Variants in SH3GLB2 observed in about 807,000 individuals in gnomAD.
SH3GLB2 encodes the protein SH3 domain containing GRB2 like, endophilin B2.
In SH3GLB2, 24 loss-of-function variants were observed where a neutral mutation model predicts 48.0. The ratio of observed to expected loss-of-function variants is 0.50; its 90% CI spans 0.36 to 0.70. The LOEUF is 0.70. SH3GLB2 is among the 30% of genes least tolerant of loss of function. The pLI is 0.00. For synonymous variants in SH3GLB2, 227 were observed against 207.6 expected, an observed-to-expected ratio of 1.09 and a Z score of -0.80; for missense variants, 425 against 516.0, an observed-to-expected ratio of 0.82 and a Z score of 1.71.
Position 129,014,622 on chromosome 9 carries a change from G to T in SH3GLB2, c.469-119C>A. The T allele has an allele frequency of 6.7e-7, 1 of 1,486,568 alleles. No individual in the cohort carries two copies. Among genetic ancestry groups the T allele is most frequent in the Admixed American group, 1.8e-5 (1 of 54,680 alleles). The allele number at this position is 1,486,568 out of a possible 1,614,324, so 92.1% of individuals were successfully genotyped here. A position where few individuals can be genotyped will look rare whatever the true frequency, so the allele number is the denominator to read the frequency against. ...CAAGATAGGGAAACTGAGGCCCAGAGATAGGAGGTCACTCAGTCCAAAGGA... is the reference window on the plus strand; with the variant it reads ...CAAGATAGGGAAACTGAGGCCCAGATATAGGAGGTCACTCAGTCCAAAGGA... On this transcript the variant is annotated intron_variant, in intron 4 of 10. Transcript: ENST00000372564. The surrounding 1 kb of genome is among the most constrained non-coding windows in gnomAD (Gnocchi z 4.1).
chr9:129,019,796 A>C (rs1843669075), intron 3 of SH3GLB2, among the ~76,000 whole-genome samples: 2 of 146,570 alleles, frequency 1.4e-5, no homozygotes, highest in African/African-American at 5.5e-5. Context: ...ATACACTTAA[A>C]CACATAATAT....
chr9:129,021,176 C>T lies in SH3GLB2; in HGVS notation c.249G>A (p.Lys83=), dbSNP rs1212233056. Residue 83 remains lysine (K), a synonymous_variant, in exon 3 of 11, where the codon AAG becomes AAA. Coordinates refer to ENST00000372564, the MANE Select transcript of SH3GLB2 (RefSeq NM_020145.4). ...CCCCGTTGGTGACCCTTGAGGGGACCTTCCTGTCCAGCTTCTCATACAGGA... is the reference window on the plus strand; with the variant it reads ...CCCCGTTGGTGACCCTTGAGGGGACTTTCCTGTCCAGCTTCTCATACAGGA... ...EEFLYEKLDR[K]VPSRVTNGEL... is the part of the protein sequence containing the mutation. The T allele has an allele frequency of 1.2e-6, 2 of 1,611,958 alleles. No individual in the cohort carries two copies. The highest frequency in any genetic ancestry group is 1.7e-6 in the Non-Finnish European group (2 of 1,179,654).
rs1372334103 is a variant in SH3GLB2 at position 129,014,161 on chromosome 9, T to G, written c.561+250A>C. On this transcript the variant is annotated intron_variant, in intron 5 of 10. Transcript: ENST00000372564. This position sits in a 1 kb window ranked among gnomAD's most constrained non-coding sequence, Gnocchi z 4.1. The stretch of plus-strand genomic sequence containing the variant: ...AGACTCCAGCTGCCTGGCGGGGTGG[T>G]GCACCCAGCTGGGGGCACTGCTGGT... The G allele has an allele frequency of 1.6e-6, 1 of 616,074 alleles. No homozygotes were observed. Among genetic ancestry groups the G allele is most frequent in the Non-Finnish European group, 3.0e-6 (1 of 334,922 alleles). The allele number at this position is 616,074 out of a possible 1,614,324, so 38.2% of individuals were successfully genotyped here.
chr9:129,007,186 G>C lies in SH3GLB2; in HGVS notation c.*1498C>G, dbSNP rs1842830435. The stretch of plus-strand genomic sequence containing the variant: ...CCCTGGCCAGGCGCCTGGGAGTGGG[G>C]CTGCAGCCTCGGGGGAAGGCAGGTA... On this transcript the variant is annotated 3_prime_UTR_variant, in exon 11 of 11. Coordinates refer to ENST00000372564, the MANE Select transcript of SH3GLB2 (RefSeq NM_020145.4). 6.6e-6 allele frequency: 1 copy of C among 152,412 alleles called. No individual in the cohort carries two copies. Among genetic ancestry groups the C allele is most frequent in the Non-Finnish European group, 1.5e-5 (1 of 68,226 alleles). The allele number at this position is 152,412 out of a possible 1,614,324, so 9.4% of individuals were successfully genotyped here. A position where few individuals can be genotyped will look rare whatever the true frequency, so the allele number is the denominator to read the frequency against.
intron 3 of SH3GLB2, 113 bp from the exon 4 acceptor site, chr9:129,015,017 C>T: frequency 1.4e-6 from 2 of 1,389,210 alleles, no homozygotes; most frequent in Non-Finnish European, 1.9e-6. Flanking sequence ...GTGCTCAGTG[C>T]AGAATGCTTT....
intron 3 of SH3GLB2, among the ~76,000 whole-genome samples, chr9:129,015,225 G>A (rs552467586): frequency 9.2e-5 from 14 of 152,294 alleles, no homozygotes; most frequent in South Asian, 2.1e-4. Context: ...CGCCAGGTGC[G>A]GTGGCTCACA....
rs753037623 is a variant in SH3GLB2 at position 129,021,078 on chromosome 9, G to C, written c.334+13C>G. 1 of 1,579,856 alleles carries C rather than the reference G, an allele frequency of 6.3e-7. No individual in the cohort carries two copies. Among genetic ancestry groups the C allele is most frequent in the Non-Finnish European group, 8.6e-7 (1 of 1,162,462 alleles). On this transcript the variant is annotated intron_variant, in intron 3 of 10. Coordinates refer to ENST00000372564, the MANE Select transcript of SH3GLB2 (RefSeq NM_020145.4). ...ACCATGACCCCTAGTCCCTGGCTGT[G>C]AGGCCTGCTCACCATAGGGGGTGGT... is the stretch of plus-strand genomic sequence containing the variant.
chr9:129,021,137 C>G lies in SH3GLB2; in HGVS notation c.288G>C (p.Gln96His). ...SRVTNGELLAQYMADAASELG... is the reference protein window; with the variant it reads ...SRVTNGELLAHYMADAASELG... Reference sequence around the variant, plus strand: ...GCTCACTGGCCGCGTCTGCCATGTACTGAGCCAGCAGCTCCCCGTTGGTGA... The same window carrying G: ...GCTCACTGGCCGCGTCTGCCATGTAGTGAGCCAGCAGCTCCCCGTTGGTGA... The change falls in exon 3 of 11, where the codon CAG becomes CAC. Residue 96 changes from glutamine to histidine, a missense_variant. Transcript: ENST00000372564. 6.2e-7 allele frequency: 1 copy of G among 1,612,618 alleles called. No homozygotes were observed. Among genetic ancestry groups the G allele is most frequent in the Non-Finnish European group, 8.5e-7 (1 of 1,179,786 alleles).
rs145492886 is a variant in SH3GLB2 at position 129,012,239 on chromosome 9, G to A, written c.621C>T (p.Ser207=). 32 of 1,292,732 alleles carry A rather than the reference G, an allele frequency of 2.5e-5. No individual in the cohort carries two copies. The highest frequency in any genetic ancestry group is 4.1e-4 in the Middle Eastern group (2 of 4,912). 80.1% of individuals were successfully genotyped at this position (1,292,732 alleles called of 1,614,324 possible). ...PRNYILSASA[S]ALWNDEVDKA... ...GGTGGGGGTGGGGTGCGCTTACCGCGGAGGCGCTGGCCGAGAGAATGTAAT... is the reference window on the plus strand; with the variant it reads ...GGTGGGGGTGGGGTGCGCTTACCGCAGAGGCGCTGGCCGAGAGAATGTAAT... Residue 207 remains serine (S), a synonymous_variant, in exon 6 of 11, where the codon TCC becomes TCT. Coordinates refer to ENST00000372564, the MANE Select transcript of SH3GLB2 (RefSeq NM_020145.4).
intron 5 of SH3GLB2, chr9:129,012,767 G>A (rs1843199862): frequency 1.7e-6 from 1 of 579,898 alleles, no homozygotes; most frequent in East Asian, 2.8e-5. Flanking sequence ...CAATGAAGGT[G>A]GACAGATGGA....
Position 129,008,353 on chromosome 9 carries a change from G to T in SH3GLB2, c.*331C>A. On this transcript the variant is annotated 3_prime_UTR_variant, in exon 11 of 11. Coordinates refer to ENST00000372564, the MANE Select transcript of SH3GLB2 (RefSeq NM_020145.4). The stretch of plus-strand genomic sequence containing the variant: ...GCTGAGTGCACCTGGGGCTTCCTGA[G>T]CCCATCTGCGGCGGCCCCACCCTGG... 3.3e-6 allele frequency: 1 copy of T among 304,050 alleles called. No individual in the cohort carries two copies. 18.8% of individuals were successfully genotyped at this position (304,050 alleles called of 1,614,324 possible).
intron 6 of SH3GLB2, 192 bp from the exon 7 acceptor site, chr9:129,010,885 C>G: frequency 1.6e-6 from 1 of 630,236 alleles, no homozygotes; most frequent in Non-Finnish European, 2.8e-6. Flanking sequence ...CCCAGTCCCT[C>G]TAACATGCCT....
chr9:129,024,842 C>A (rs371742104), intron 1 of SH3GLB2, among the ~76,000 whole-genome samples: 4 of 151,256 alleles, frequency 2.6e-5, no homozygotes. Flanking sequence ...TGGTGGCAGG[C>A]GCCTGTAATC....
chr9:129,022,433 G>A lies in SH3GLB2; in HGVS notation c.64-10C>T, dbSNP rs1358182074. The A allele has an allele frequency of 1.2e-6, 2 of 1,613,388 alleles. No homozygotes were observed. Among genetic ancestry groups the A allele is most frequent in the Non-Finnish European group, 1.7e-6 (2 of 1,179,734 alleles). On this transcript the variant is annotated splice_polypyrimidine_tract_variant and intron_variant, in intron 1 of 10. Coordinates refer to ENST00000372564, the MANE Select transcript of SH3GLB2 (RefSeq NM_020145.4). ...ATTTCTCCTCCGTGAACTACGCAGA[G>A]GGGAAGGCCAAGGGGTGGGGAGGGG...
rs1438710304 is a variant in SH3GLB2, at chr9:129,022,271, C to A, written c.205+11G>T. 6 of 1,612,824 alleles carry A rather than the reference C, an allele frequency of 3.7e-6. No homozygotes were observed. Among genetic ancestry groups the A allele is most frequent in the Admixed American group, 3.3e-5 (2 of 59,950 alleles). ...CTACATCCCTCCCCGGGCCCACGAA[C>A]ACGCACTCACTGGGGTTGGGCTGCA... On this transcript the variant is annotated intron_variant, in intron 2 of 10. Transcript: ENST00000372564.
rs1216564221 is a variant in SH3GLB2, at chr9:129,016,769, T to A, written c.335-1865A>T. Among the ~76,000 whole-genome samples, 5 of 152,218 alleles carry A rather than the reference T, an allele frequency of 3.3e-5. No individual in the cohort carries two copies. In the East Asian group the frequency reaches 9.6e-4, roughly 29 times the overall value. On this transcript the variant is annotated intron_variant, in intron 3 of 10. Transcript: ENST00000372564. ...TACTACTACCAGACAAAATAGACTT[T>A]AACACAAAATAGTACTAGAGACAAA...
At position 129,016,567 on chromosome 9, in the gene SH3GLB2, A is replaced by C. The variant is rs181403356; in HGVS notation, c.335-1663T>G. 2.6e-3 allele frequency among the ~76,000 whole-genome samples: 401 copies of C among 151,796 alleles called. 9 individuals are homozygous for C. Among genetic ancestry groups the C allele is most frequent in the Admixed American group, 0.025 (377 of 15,170 alleles). Reference sequence around the variant, plus strand: ...CAGCTACTCAGGAGGCTGAGGTAGGATAATCGCTTGAAACCGGGAGGTGGA... The same window carrying C: ...CAGCTACTCAGGAGGCTGAGGTAGGCTAATCGCTTGAAACCGGGAGGTGGA... On this transcript the variant is annotated intron_variant, in intron 3 of 10. Transcript: ENST00000372564.
rs1383502016 is a variant in SH3GLB2 at position 129,010,211 on chromosome 9, T to TGGGCA, written c.649-7_649-3dup. 3.7e-6 allele frequency: 6 copies of TGGGCA among 1,613,296 alleles called. No individual in the cohort carries two copies. The highest frequency in any genetic ancestry group is 2.7e-5 in the African/African-American group (2 of 74,896). ...GGCCACGCGGAGCTCCTGCTCGGCC[T>TGGGCA]GGGCAGGGCAGGGCAGCCATGAGCA... On this transcript the variant is annotated splice_region_variant and splice_polypyrimidine_tract_variant and intron_variant, in intron 7 of 10. Coordinates refer to ENST00000372564, the MANE Select transcript of SH3GLB2 (RefSeq NM_020145.4).
chr9:129,019,708 C>CAAAA (rs1216460109), intron 3 of SH3GLB2, among the ~76,000 whole-genome samples: 1 of 57,856 alleles, frequency 1.7e-5, no homozygotes, highest in Non-Finnish European at 3.5e-5. Context: ...GACTCTGCCT[C>CAAAA]AAAAAAAAAA....
Sources: gnomAD v4.1 joint callset for allele counts (sites outside exome capture counted in the v4.1 genomes callset) on GRCh38, gnomAD v4.1.1 for gene constraint, Gnocchi (gnomAD v3.1) non-coding constraint, MANE v1.5 for transcripts, NCBI Gene and HGNC (gene_info 2026-07-23, HGNC 2026-07-21) for gene names.